The following COG5 variants were observed in gnomAD, a reference collection of about 807,000 sequenced individuals.
The protein encoded by COG5 is component of oligomeric golgi complex 5.
Under a neutral mutation model 110.4 loss-of-function variants are expected in COG5, and 86 were observed. That is an observed-to-expected ratio of 0.78 (90% confidence interval 0.65 to 0.93). The LOEUF (loss-of-function observed/expected upper bound fraction) is 0.93. Among genes scored for constraint, COG5 ranks in the 40% least tolerant of loss-of-function variants. The pLI, the probability that COG5 is intolerant of heterozygous loss-of-function variation, is 0.00. For synonymous variants in COG5, 360 were observed against 334.6 expected, an observed-to-expected ratio of 1.08 and a Z score of -0.83; for missense variants, 1,077 against 987.0, an observed-to-expected ratio of 1.09 and a Z score of -1.22.
At chr7:107,443,813 A>C (rs1339191377) in intron 6 of COG5, among the ~76,000 whole-genome samples, 3 of 152,158 alleles carry the variant, frequency 2.0e-5, no homozygotes, top group Non-Finnish European at 4.4e-5. Context: ...TTCCACTCAC[A>C]GTCTCTCCTA....
At chr7:107,381,665 T>A (rs1264658128) in intron 7 of COG5, among the ~76,000 whole-genome samples, 1 of 152,154 alleles carries the variant, frequency 6.6e-6, no homozygotes, top group Non-Finnish European at 1.5e-5. Context: ...GATTGCGACA[T>A]TGGAATAAAG....
intron 6 of COG5, among the ~76,000 whole-genome samples, chr7:107,504,327 C>T (rs776426251): frequency 7.2e-5 from 11 of 151,998 alleles, no homozygotes; most frequent in Non-Finnish European, 1.6e-4. Flanking sequence ...TTAAATCATC[C>T]CTGCATCCCT....
At chr7:107,205,425 T>A (rs1798697521) in intron 21 of COG5, among the ~76,000 whole-genome samples, 2 of 152,200 alleles carry the variant, frequency 1.3e-5, no homozygotes, top group Non-Finnish European at 2.9e-5. Flanking sequence ...TTAGTTTCCA[T>A]TTTTGTGTTA....
At chr7:107,215,525 G>A (rs141129691) in intron 19 of COG5, among the ~76,000 whole-genome samples, 2,176 of 151,848 alleles carry the variant, frequency 0.014, 58 homozygotes, top group African/African-American at 0.048. Context: ...TTAGCTGGGT[G>A]TGGTGGCGGG....
chr7:107,542,208 C>T (rs1802090999), intron 5 of COG5, among the ~76,000 whole-genome samples: 1 of 151,684 alleles, frequency 6.6e-6, no homozygotes, highest in East Asian at 1.9e-4. Context: ...CAGACAAGAG[C>T]GAGAAGGAGA....
intron 12 of COG5, among the ~76,000 whole-genome samples, chr7:107,289,306 T>C (rs1289720525): frequency 6.6e-6 from 1 of 152,164 alleles, no homozygotes; most frequent in Admixed American, 6.5e-5. Flanking sequence ...TTACACTTTT[T>C]GAAGACAACT....
intron 15 of COG5, 34 bp from the exon 16 acceptor site, chr7:107,256,828 CT>C (rs1562936469): frequency 2.2e-5 from 33 of 1,503,316 alleles, no homozygotes; most frequent in Non-Finnish European, 3.0e-5. Context: ...TATAGTTTCG[CT>C]TAAGTCTATT....
At chr7:107,205,960 T>G (rs999689158) in intron 21 of COG5, among the ~76,000 whole-genome samples, 1 of 151,754 alleles carries the variant, frequency 6.6e-6, no homozygotes, top group Non-Finnish European at 1.5e-5. Context: ...AGCTGTTTTT[T>G]TTTTTTTTTT....
chr7:107,554,465 A>T (rs958171074), intron 2 of COG5, 123 bp from the exon 3 acceptor site: 2 of 863,190 alleles, frequency 2.3e-6, no homozygotes, highest in African/African-American at 3.3e-5. Flanking sequence ...AAAAGAAAAA[A>T]CCACAGGTTT....
chr7:107,280,589 A>C (rs1181334041), intron 14 of COG5, among the ~76,000 whole-genome samples: 1 of 152,022 alleles, frequency 6.6e-6, no homozygotes, highest in Non-Finnish European at 1.5e-5. Flanking sequence ...ACACTGTCTA[A>C]AATTAGTATA....
chr7:107,307,898 C>A (rs1216980469), intron 11 of COG5, among the ~76,000 whole-genome samples: 2 of 152,034 alleles, frequency 1.3e-5, no homozygotes, highest in Non-Finnish European at 2.9e-5. Context: ...CTGAACCCTA[C>A]AAATTATTGA....
chr7:107,415,255 T>C (rs1792636400), intron 6 of COG5, among the ~76,000 whole-genome samples: 1 of 152,138 alleles, frequency 6.6e-6, no homozygotes, highest in East Asian at 1.9e-4. Context: ...TGCACCATGA[T>C]GAGGAGTCAA....
chr7:107,340,246 C>G (rs1263954808), intron 10 of COG5, among the ~76,000 whole-genome samples: 4 of 152,210 alleles, frequency 2.6e-5, no homozygotes, highest in African/African-American at 7.2e-5. Context: ...TTAGGAACAT[C>G]TCTATGCGTA....
chr7:107,513,232 G>A (rs1799666968), intron 6 of COG5, among the ~76,000 whole-genome samples: 2 of 152,104 alleles, frequency 1.3e-5, no homozygotes, highest in Admixed American at 1.3e-4. Flanking sequence ...CAAAAAGTGG[G>A]CAAAGGATAT....
At chr7:107,561,987 A>AC (rs1803821109) in intron 1 of COG5, among the ~76,000 whole-genome samples, 1 of 151,908 alleles carries the variant, frequency 6.6e-6, no homozygotes, top group African/African-American at 2.4e-5. Context: ...AAAAAAAAAA[A>AC]GAAAGAAAGA....
At chr7:107,236,426 T>C in intron 18 of COG5, 24 bp downstream of exon 18, 6 of 1,538,412 alleles carry the variant, frequency 3.9e-6, no homozygotes, top group Non-Finnish European at 5.4e-6. Context: ...ACATTTTTTC[T>C]TTTGTAGTAA....
Position 107,372,595 on chromosome 7 carries a change from C to T in COG5, c.835G>A (p.Gly279Arg). The T allele has an allele frequency of 6.2e-7, 1 of 1,613,210 alleles. No individual in the cohort carries two copies. Among genetic ancestry groups the T allele is most frequent in the Non-Finnish European group, 8.5e-7 (1 of 1,179,560 alleles). ...AGCTAAATATAAACCACATCCATAC[C>T]TCTCACAGCTGACTGGGAAGGCTGA... ...LTQPSQSAVR[G>R]GPGRSTMPTP... The change falls in exon 8 of 22, where the codon GGG becomes AGG. Residue 279 changes from glycine (G) to arginine (R), a missense_variant and splice_region_variant. Coordinates refer to ENST00000297135, the MANE Select transcript of COG5 (RefSeq NM_006348.5).
chr7:107,302,198 AACAAAAACATACT>A (rs1226389114), intron 11 of COG5, among the ~76,000 whole-genome samples: 1 of 152,230 alleles, frequency 6.6e-6, no homozygotes, highest in Non-Finnish European at 1.5e-5. Flanking sequence ...ACTATGCAAC[AACAAAAACATACT>A]ACAATATAGC....
intron 6 of COG5, among the ~76,000 whole-genome samples, chr7:107,467,555 T>C (rs1334019699): frequency 1.3e-5 from 2 of 152,152 alleles, no homozygotes; most frequent in African/African-American, 2.4e-5. Context: ...TTTCACCATG[T>C]TGGCCAGACT....
Sources: gnomAD v4.1 joint callset for allele counts (sites outside exome capture counted in the v4.1 genomes callset) on GRCh38, gnomAD v4.1.1 for gene constraint, MANE v1.5 for transcripts, NCBI Gene and HGNC (gene_info 2026-07-23, HGNC 2026-07-21) for gene names.